The following NCKAP5 variants were observed in gnomAD, a reference collection of about 807,000 sequenced individuals.
The protein encoded by NCKAP5 is NCK associated protein 5.
In NCKAP5, 92 loss-of-function variants were observed where a neutral mutation model predicts 167.0. The ratio of observed to expected loss-of-function variants is 0.55; its 90% CI spans 0.47 to 0.66. NCKAP5 has a LOEUF of 0.66. NCKAP5 is among the 30% of genes least tolerant of loss of function. The probability of loss-of-function intolerance (pLI) is 0.00; values close to 1 mark genes in which losing one functional copy is unlikely to be tolerated. For synonymous variants in NCKAP5, 891 were observed against 877.4 expected (o/e 1.02, Z -0.27); for missense variants, 2,378 against 2,315.0 (o/e 1.03, Z -0.56).
chr2:133,295,531 G>A (rs903913875), intron 4 of NCKAP5, among the ~76,000 whole-genome samples: 1 of 152,144 alleles, frequency 6.6e-6, no homozygotes, highest in East Asian at 1.9e-4. Flanking sequence ...GTGACGCAGA[G>A]TATTGGTGTT....
At chr2:133,194,786 C>A (rs2085367133) in intron 5 of NCKAP5, among the ~76,000 whole-genome samples, 1 of 151,118 alleles carries the variant, frequency 6.6e-6, no homozygotes, top group Admixed American at 6.6e-5. Flanking sequence ...TTCCTGCATT[C>A]ACAGACCCAG....
chr2:133,436,530 T>G (rs940195786), intron 3 of NCKAP5, among the ~76,000 whole-genome samples: 2 of 152,146 alleles, frequency 1.3e-5, no homozygotes, highest in African/African-American at 4.8e-5. Flanking sequence ...TCCAAATTCT[T>G]TGACATTCCC....
intron 3 of NCKAP5, among the ~76,000 whole-genome samples, chr2:133,428,383 A>C (rs911988171): frequency 6.6e-6 from 1 of 152,132 alleles, no homozygotes; most frequent in African/African-American, 2.4e-5. Context: ...TTAATCAGTA[A>C]GTTACATTAT....
At chr2:133,471,214 C>A (rs1679267148) in intron 3 of NCKAP5, among the ~76,000 whole-genome samples, 1 of 152,170 alleles carries the variant, frequency 6.6e-6, no homozygotes, top group Non-Finnish European at 1.5e-5. Flanking sequence ...TCCTTGGGTG[C>A]ACACCCCTCT....
chr2:133,017,728 C>A (rs560233492), intron 6 of NCKAP5, among the ~76,000 whole-genome samples: 1 of 150,420 alleles, frequency 6.6e-6, no homozygotes, highest in African/African-American at 2.4e-5. Context: ...TCTTCCCCGC[C>A]CCCCCACTGT....
chr2:132,995,247 A>T (rs1484286508), intron 6 of NCKAP5, among the ~76,000 whole-genome samples: 3 of 152,230 alleles, frequency 2.0e-5, no homozygotes, highest in Non-Finnish European at 4.4e-5. Context: ...TTAAATTTTT[A>T]AAAAACTCGA....
intron 11 of NCKAP5, among the ~76,000 whole-genome samples, chr2:132,848,188 A>T (rs996365909): frequency 2.6e-5 from 4 of 152,202 alleles, no homozygotes; most frequent in Admixed American, 2.6e-4. Context: ...CCCAGATGCA[A>T]AAAGGGTACC....
At chr2:133,210,354 C>A (rs1015064781) in intron 5 of NCKAP5, among the ~76,000 whole-genome samples, 1 of 151,800 alleles carries the variant, frequency 6.6e-6, no homozygotes, top group African/African-American at 2.4e-5. Context: ...TTGTTGATGA[C>A]TTTAAAAATA....
At chr2:133,362,988 G>A (rs982277722) in intron 3 of NCKAP5, among the ~76,000 whole-genome samples, 2 of 151,322 alleles carry the variant, frequency 1.3e-5, no homozygotes, top group Admixed American at 6.6e-5. Context: ...GGATGGTCTC[G>A]ATCTCCTGAC....
intron 6 of NCKAP5, among the ~76,000 whole-genome samples, chr2:132,999,957 C>T (rs886520268): frequency 6.6e-6 from 1 of 152,204 alleles, no homozygotes; most frequent in African/African-American, 2.4e-5. Flanking sequence ...AGGGTTCATT[C>T]AATTGAAGGC....
At chr2:133,278,449 C>G (rs1048254605) in intron 4 of NCKAP5, among the ~76,000 whole-genome samples, 1 of 152,090 alleles carries the variant, frequency 6.6e-6, no homozygotes, top group Non-Finnish European at 1.5e-5. Flanking sequence ...TCTGTAGTCA[C>G]GTCTCCCTCT....
At chr2:132,964,372 C>T (rs549309674) in intron 7 of NCKAP5, among the ~76,000 whole-genome samples, 5 of 152,308 alleles carry the variant, frequency 3.3e-5, no homozygotes, top group African/African-American at 1.2e-4. Flanking sequence ...GTTCTTTCAG[C>T]TCAATAATGA....
intron 19 of NCKAP5, among the ~76,000 whole-genome samples, chr2:132,687,574 T>A (rs1258703805): frequency 6.6e-6 from 1 of 152,126 alleles, no homozygotes; most frequent in African/African-American, 2.4e-5. Flanking sequence ...ACTGGCAAAA[T>A]GTCCCTTAAA....
chr2:132,715,244 C>T (rs2320152), intron 19 of NCKAP5, among the ~76,000 whole-genome samples: 2,508 of 152,178 alleles, frequency 0.016, 27 homozygotes, highest in Middle Eastern at 0.044. Flanking sequence ...TCCTGAATAC[C>T]GAGCCCTTTC....
At chr2:133,469,532 T>C (rs966405501) in intron 3 of NCKAP5, among the ~76,000 whole-genome samples, 6 of 152,008 alleles carry the variant, frequency 3.9e-5, no homozygotes, top group Admixed American at 3.9e-4. Context: ...GCACTCTCTG[T>C]ATTTCCTGAA....
At chr2:132,875,313 C>T (rs1691181682) in intron 9 of NCKAP5, among the ~76,000 whole-genome samples, 1 of 152,166 alleles carries the variant, frequency 6.6e-6, no homozygotes, top group Admixed American at 6.5e-5. Flanking sequence ...CCTGCTGCAG[C>T]TTCTTCTGCT....
chr2:133,026,283 A>G (rs2078695533), intron 6 of NCKAP5, among the ~76,000 whole-genome samples: 1 of 151,708 alleles, frequency 6.6e-6, no homozygotes, highest in Non-Finnish European at 1.5e-5. Flanking sequence ...ATTTTCTCCC[A>G]TTCTGTAGGT....
At chr2:133,274,874 T>C (rs949034999) in intron 4 of NCKAP5, among the ~76,000 whole-genome samples, 3 of 151,944 alleles carry the variant, frequency 2.0e-5, no homozygotes, top group African/African-American at 7.2e-5. Flanking sequence ...TATAAGACTT[T>C]TTGAAGAATG....
intron 4 of NCKAP5, among the ~76,000 whole-genome samples, chr2:133,279,303 C>A (rs2089853579): frequency 6.6e-6 from 1 of 152,172 alleles, no homozygotes; most frequent in Non-Finnish European, 1.5e-5. Flanking sequence ...TATTTTATGG[C>A]TTATCCGTCA....
Sources: gnomAD v4.1 joint callset for allele counts (sites outside exome capture counted in the v4.1 genomes callset) on GRCh38, gnomAD v4.1.1 for gene constraint, MANE v1.5 for transcripts, NCBI Gene and HGNC (gene_info 2026-07-23, HGNC 2026-07-21) for gene names.